MAP3K15: variants seen among roughly 807,000 people sequenced by gnomAD.
MAP3K15 encodes MAPK/ERK kinase kinase 15.
MAP3K15 carries 124 observed loss-of-function variants against 99.5 expected under a neutral mutation model. That is an observed-to-expected ratio of 1.25 (90% CI 1.08 to 1.45). The LOEUF (loss-of-function observed/expected upper bound fraction) is 1.45, where lower values mean the gene tolerates loss of function less well. Ranked by LOEUF, MAP3K15 falls within the 40% of genes most tolerant of loss-of-function variation. The pLI, the probability that MAP3K15 is intolerant of heterozygous loss-of-function variation, is 0.00. For missense variants in MAP3K15, 1,242 were observed against 1,079.7 expected (o/e 1.15, Z -2.11); for synonymous variants, 494 against 439.6 (o/e 1.12, Z -1.55).
intron 6 of MAP3K15, among the ~76,000 whole-genome samples, chrX:19,453,051 C>T (rs2064066846): frequency 9.0e-6 from 1 of 111,122 alleles, no homozygotes; most frequent in African/African-American, 3.3e-5. Flanking sequence ...GAGCAACGGG[C>T]AGCTGTTTAA....
chrX:19,362,882 T>C, intron 25 of MAP3K15, 32 bp from the exon 26 acceptor site: 1 of 782,069 alleles, frequency 1.3e-6, no homozygotes, highest in Middle Eastern at 3.4e-4. Flanking sequence ...AAAGCCATTA[T>C]CCAGAGAGCA....
At chrX:19,401,282 C>T (rs1048386931) in intron 13 of MAP3K15, among the ~76,000 whole-genome samples, 4 of 110,081 alleles carry the variant, frequency 3.6e-5, no homozygotes, top group South Asian at 8.0e-4. Context: ...GCAGCCTCAG[C>T]CAGCCTCCTG....
chrX:19,401,422 C>T (rs2063607532), intron 13 of MAP3K15, among the ~76,000 whole-genome samples: 1 of 110,830 alleles, frequency 9.0e-6, no homozygotes, highest in Non-Finnish European at 1.9e-5. Context: ...GTCTCAAACT[C>T]CTGGACTCAA....
chrX:19,410,975 G>T (rs750540675), intron 11 of MAP3K15, among the ~76,000 whole-genome samples: 123 of 111,302 alleles, frequency 1.1e-3, no homozygotes, highest in Non-Finnish European at 1.8e-3. Context: ...CTTGAGGTCA[G>T]GAGTTCGAGA....
intron 4 of MAP3K15, among the ~76,000 whole-genome samples, chrX:19,461,906 G>A (rs189670958): frequency 4.5e-4 from 49 of 110,091 alleles, no homozygotes; most frequent in Non-Finnish European, 7.6e-4. Context: ...CAGGAGAATC[G>A]CTCGAACCCG....
chrX:19,388,301 G>A (rs2063505710), intron 18 of MAP3K15, among the ~76,000 whole-genome samples: 1 of 112,028 alleles, frequency 8.9e-6, no homozygotes, highest in African/African-American at 3.2e-5. Context: ...GCTCCTTCAA[G>A]TGTCATTATG....
rs906668507 is a variant in MAP3K15, at chrX:19,489,091, T to C, written c.362-124A>G. The C allele has an allele frequency of 4.4e-5, 28 of 635,297 alleles. No homozygotes were observed. In the South Asian group the frequency reaches 1.2e-3, roughly 27 times the overall value. The allele number at this position is 635,297 out of a possible 1,213,427, so 52.4% of individuals were successfully genotyped here. On this transcript the variant is annotated intron_variant, in intron 1 of 28. Coordinates refer to ENST00000338883, the MANE Select transcript of MAP3K15 (RefSeq NM_001001671.4). ...TCTGTCATCAGCCTGTTAGGTAAAG[T>C]AAGGAATGATTTGATTAAAATTACC...
chrX:19,469,147 C>A (rs1488022559), intron 3 of MAP3K15, among the ~76,000 whole-genome samples: 2 of 111,550 alleles, frequency 1.8e-5, no homozygotes, highest in Admixed American at 1.9e-4. Flanking sequence ...TGACTTCAAA[C>A]TATACTACAA....
intron 7 of MAP3K15, among the ~76,000 whole-genome samples, chrX:19,429,816 G>C (rs2063866577): frequency 1.1e-5 from 1 of 94,620 alleles, no homozygotes; most frequent in African/African-American, 4.6e-5. Context: ...GAGAGAGAGA[G>C]AGAGAGGAAG....
chrX:19,514,980 C>T lies in MAP3K15; in HGVS notation c.282G>A (p.Glu94=). The T allele has an allele frequency of 8.8e-7, 1 of 1,131,462 alleles. No homozygotes were observed. The allele number at this position is 1,131,462 out of a possible 1,213,427, so 93.2% of individuals were successfully genotyped here. Residue 94 remains glutamate, a synonymous_variant, in exon 1 of 29, where the codon GAG becomes GAA. Coordinates refer to ENST00000338883, the MANE Select transcript of MAP3K15 (RefSeq NM_001001671.4). ...AGGGCACGGAGGTGAGGTGAGCGCC[C>T]TCGGCCTCGCAGGCCCGCAGCAGGC... ...RQCLLRACEA[E]GAHLTSVPFG...
intron 11 of MAP3K15, among the ~76,000 whole-genome samples, chrX:19,412,550 G>A (rs766684724): frequency 9.0e-6 from 1 of 110,858 alleles, no homozygotes; most frequent in Non-Finnish European, 1.9e-5. Flanking sequence ...ACAGCTCAGG[G>A]GCGAGTAAGA....
intron 9 of MAP3K15, among the ~76,000 whole-genome samples, chrX:19,417,777 C>A (rs1014221400): frequency 8.9e-6 from 1 of 112,219 alleles, no homozygotes; most frequent in Non-Finnish European, 1.9e-5. Flanking sequence ...AGTAGCCTAA[C>A]TGGGAGGCAC....
intron 6 of MAP3K15, among the ~76,000 whole-genome samples, chrX:19,436,863 A>G (rs902964225): frequency 1.8e-5 from 2 of 111,170 alleles, no homozygotes; most frequent in African/African-American, 6.5e-5. Flanking sequence ...TTTTTAGTAG[A>G]AACAGCGTTT....
chrX:19,431,431 G>T lies in MAP3K15; in HGVS notation c.1166+7C>A. 8.3e-7 allele frequency: 1 copy of T among 1,198,025 alleles called. No homozygotes were observed. Among genetic ancestry groups the T allele is most frequent in the African/African-American group, 1.7e-5 (1 of 57,757 alleles). Reference sequence around the variant, plus strand: ...GCAAGTGCTCATAACTCGGGCTGAGGGTTTACCACTCAATGGCGCTGTCGC... The same window carrying T: ...GCAAGTGCTCATAACTCGGGCTGAGTGTTTACCACTCAATGGCGCTGTCGC... On this transcript the variant is annotated splice_region_variant and intron_variant, in intron 7 of 28. Transcript: ENST00000338883.
intron 11 of MAP3K15, among the ~76,000 whole-genome samples, chrX:19,413,113 TACACACACACACAC>T (rs377362996): frequency 1.0e-5 from 1 of 98,687 alleles, no homozygotes; most frequent in Non-Finnish European, 2.1e-5. Flanking sequence ...AATGTTTTTA[TACACACACACACAC>T]ACACACACAC....
chrX:19,386,381 G>A (rs924969017), intron 18 of MAP3K15, among the ~76,000 whole-genome samples: 6 of 111,433 alleles, frequency 5.4e-5, no homozygotes, highest in African/African-American at 9.8e-5. Flanking sequence ...GTTTGAACCC[G>A]GGTGGTGGAG....
At chrX:19,370,478 C>T (rs1322296627) in intron 24 of MAP3K15, among the ~76,000 whole-genome samples, 1 of 111,310 alleles carries the variant, frequency 9.0e-6, no homozygotes, top group East Asian at 2.8e-4. Flanking sequence ...TCACTGCAAC[C>T]TCCACCACCC....
chrX:19,408,957 G>A (rs1797899946), intron 12 of MAP3K15, among the ~76,000 whole-genome samples: 1 of 111,959 alleles, frequency 8.9e-6, no homozygotes, highest in Admixed American at 9.5e-5. Flanking sequence ...CTTTTCATGA[G>A]ACTATAAACT....
intron 11 of MAP3K15, among the ~76,000 whole-genome samples, chrX:19,411,013 G>A (rs780450793): frequency 1.5e-4 from 16 of 110,123 alleles, no homozygotes; most frequent in Non-Finnish European, 2.5e-4. Flanking sequence ...CTGAAACCCC[G>A]TCTCTACTAA....
Sources: allele counts gnomAD v4.1 joint callset (sites outside exome capture counted in the v4.1 genomes callset), GRCh38; gene constraint gnomAD v4.1.1; transcripts MANE v1.5; gene names NCBI Gene and HGNC (gene_info 2026-07-23, HGNC 2026-07-21).